The following STAG1 variants were observed in gnomAD, a reference collection of about 807,000 sequenced individuals.
STAG1 encodes cohesin subunit SA-1.
Under a neutral mutation model 170.9 loss-of-function variants are expected in STAG1, and 26 were observed. The ratio of observed to expected loss-of-function variants is 0.15; its 90% CI spans 0.11 to 0.21. STAG1 has a LOEUF of 0.21. Ranked by LOEUF, STAG1 falls within the 10% of genes least tolerant of loss-of-function variation. The pLI is 1.00. For synonymous variants in STAG1, 514 were observed against 497.7 expected, an observed-to-expected ratio of 1.03 and a Z score of -0.44; for missense variants, 964 against 1,509.5, an observed-to-expected ratio of 0.64 and a Z score of 5.99.
chr3:136,595,388 T>G, intron 4 of STAG1, among the ~76,000 whole-genome samples: 1 of 152,238 alleles, frequency 6.6e-6, no homozygotes, highest in East Asian at 1.9e-4. Context: ...GCCTGAATAT[T>G]TGCACAATCT....
In STAG1 at chr3:136,560,040, C is replaced by T. The variant is rs150427514; in HGVS notation, c.394+8725G>A. Among the ~76,000 whole-genome samples, 85 of 152,200 alleles carry T rather than the reference C, an allele frequency of 5.6e-4. No homozygotes were observed. In the East Asian group the frequency reaches 0.014, roughly 25 times the overall value. On this transcript the variant is annotated intron_variant, in intron 5 of 33. Transcript: ENST00000383202. ...AGGTATTTCTTTTGGCTTACAGGTG[C>T]CATGAAAAAATCACTGAGATGCTAA...
chr3:136,597,416 T>G (rs1253335359), intron 4 of STAG1, among the ~76,000 whole-genome samples: 2 of 152,210 alleles, frequency 1.3e-5, no homozygotes, highest in East Asian at 3.8e-4. Flanking sequence ...TGTACACAGA[T>G]CTGTACTCCC....
chr3:136,484,337 G>A (rs370649999), intron 9 of STAG1, among the ~76,000 whole-genome samples: 23 of 148,958 alleles, frequency 1.5e-4, no homozygotes, highest in Admixed American at 1.3e-4. Context: ...ATACCCTGCC[G>A]TGTGAGGTGT....
At chr3:136,436,492 G>A (rs1341171735) in intron 15 of STAG1, among the ~76,000 whole-genome samples, 11 of 152,092 alleles carry the variant, frequency 7.2e-5, no homozygotes, top group Admixed American at 7.2e-4. Flanking sequence ...ATGTTGGCCT[G>A]GCTGGTCTCG....
At position 136,422,554 on chromosome 3, in the gene STAG1, A is replaced by G. The variant is rs1173457742; in HGVS notation, c.1893T>C (p.Asp631=). ...KFVVEKHVES[D]VLEACSKTYS... ...AGGTTTTACTGCAGGCTTCTAGAACATCTGATTCTACGTGTTTCTCCACAA... is the reference window on the plus strand; with the variant it reads ...AGGTTTTACTGCAGGCTTCTAGAACGTCTGATTCTACGTGTTTCTCCACAA... The change falls in exon 19 of 34, where the codon GAT becomes GAC. Residue 631 remains aspartate, a synonymous_variant. Transcript: ENST00000383202. 3.1e-6 allele frequency: 5 copies of G among 1,613,958 alleles called. No homozygotes were observed. Among genetic ancestry groups the G allele is most frequent in the Non-Finnish European group, 4.2e-6 (5 of 1,179,986 alleles).
intron 4 of STAG1, chr3:136,591,556 GAAAAA>G: frequency 5.6e-6 from 2 of 356,574 alleles, no homozygotes; most frequent in East Asian, 9.1e-5. Context: ...ATCTCTATTT[GAAAAA>G]AAAAAAAAAA....
At chr3:136,651,645 C>T (rs1040892342) in intron 1 of STAG1, among the ~76,000 whole-genome samples, 4 of 152,062 alleles carry the variant, frequency 2.6e-5, no homozygotes, top group African/African-American at 9.7e-5. Context: ...AACTTTCTCT[C>T]TCTCATGGCA....
chr3:136,714,859 T>C (rs1943476252), intron 1 of STAG1, among the ~76,000 whole-genome samples: 1 of 139,792 alleles, frequency 7.2e-6, no homozygotes, highest in South Asian at 2.2e-4. Context: ...CAGTGAGTCA[T>C]GATTATGCCA....
chr3:136,575,022 T>TA (rs1246123271), intron 4 of STAG1, among the ~76,000 whole-genome samples: 3 of 152,142 alleles, frequency 2.0e-5, no homozygotes, highest in Admixed American at 2.0e-4. Flanking sequence ...GTAACAAAAA[T>TA]ATACCTAAAA....
chr3:136,751,824 GC>G (rs1935267405), intron 1 of STAG1, among the ~76,000 whole-genome samples: 1 of 150,834 alleles, frequency 6.6e-6, no homozygotes, highest in Non-Finnish European at 1.5e-5. Context: ...GGGGCGGAGG[GC>G]GGGCTTGGCG....
At chr3:136,434,897 ATAG>A (rs1170657687) in intron 15 of STAG1, among the ~76,000 whole-genome samples, 7 of 151,930 alleles carry the variant, frequency 4.6e-5, no homozygotes, top group Non-Finnish European at 1.0e-4. Context: ...ATTTCTGATG[ATAG>A]TAGGTGGGTC....
intron 23 of STAG1, among the ~76,000 whole-genome samples, chr3:136,373,800 CT>C (rs1024753656): frequency 5.9e-5 from 9 of 151,872 alleles, no homozygotes; most frequent in African/African-American, 2.2e-4. Flanking sequence ...AGGTGTGGTG[CT>C]GAAAAGAATG....
intron 1 of STAG1, among the ~76,000 whole-genome samples, chr3:136,675,895 T>G (rs1942115053): frequency 6.6e-6 from 1 of 152,260 alleles, no homozygotes; most frequent in Non-Finnish European, 1.5e-5. Context: ...AATTATCTAA[T>G]GATGCATTTT....
At chr3:136,717,542 T>C (rs954472636) in intron 1 of STAG1, among the ~76,000 whole-genome samples, 15 of 152,266 alleles carry the variant, frequency 9.9e-5, no homozygotes, top group African/African-American at 2.4e-4. Flanking sequence ...CAGGCACCTG[T>C]AGTCTCAGCT....
At chr3:136,539,654 T>C (rs1262372848) in intron 6 of STAG1, among the ~76,000 whole-genome samples, 2 of 152,208 alleles carry the variant, frequency 1.3e-5, no homozygotes, top group African/African-American at 4.8e-5. Context: ...GCTAGCTCTA[T>C]CAAGAGCGAA....
chr3:136,638,492 G>A (rs1197259871), intron 1 of STAG1, among the ~76,000 whole-genome samples: 1 of 152,138 alleles, frequency 6.6e-6, no homozygotes, highest in Non-Finnish European at 1.5e-5. Flanking sequence ...TTAAAAATAT[G>A]TGTGTGTATA....
At chr3:136,465,431 G>C (rs184806994) in intron 12 of STAG1, among the ~76,000 whole-genome samples, 1 of 151,556 alleles carries the variant, frequency 6.6e-6, no homozygotes, top group Admixed American at 6.6e-5. Context: ...ATGTTAGGCA[G>C]ACTGTTCTCT....
chr3:136,473,747 G>T, intron 10 of STAG1, 110 bp from the exon 11 acceptor site: 5 of 709,880 alleles, frequency 7.0e-6, no homozygotes, highest in Non-Finnish European at 1.2e-5. Flanking sequence ...ACTGCATATT[G>T]TAATTCAACA....
At chr3:136,501,477 T>C (rs1405695330) in intron 8 of STAG1, among the ~76,000 whole-genome samples, 1 of 152,028 alleles carries the variant, frequency 6.6e-6, no homozygotes, top group Admixed American at 6.6e-5. Flanking sequence ...GGGACAAACA[T>C]ACACACAGGA....
Sources: allele counts gnomAD v4.1 joint callset (sites outside exome capture counted in the v4.1 genomes callset), GRCh38; gene constraint gnomAD v4.1.1; transcripts MANE v1.5; gene names NCBI Gene and HGNC (gene_info 2026-07-23, HGNC 2026-07-21).